The following ERG variants were observed in gnomAD, a reference collection of about 807,000 sequenced individuals.
ERG encodes the protein ETS transcription factor ERG.
A neutral mutation model predicts 55.3 loss-of-function variants in ERG; 9 were observed. That is an observed-to-expected ratio of 0.16 (90% confidence interval 0.10 to 0.28). The LOEUF (loss-of-function observed/expected upper bound fraction) is 0.28, where lower values mean the gene tolerates loss of function less well. ERG is among the 10% of genes least tolerant of loss of function. The pLI, the probability that ERG is intolerant of heterozygous loss-of-function variation, is 1.00. For missense variants in ERG, 434 were observed against 631.6 expected (o/e 0.69, Z 3.35); for synonymous variants, 223 against 237.3 (o/e 0.94, Z 0.55).
intron 1 of ERG, among the ~76,000 whole-genome samples, chr21:38,601,144 G>A (rs1205896339): frequency 6.6e-6 from 1 of 152,148 alleles, no homozygotes; most frequent in Non-Finnish European, 1.5e-5. Flanking sequence ...TGACAGGATG[G>A]AACGGTCAGT....
At chr21:38,470,222 T>C (rs549462210) in intron 1 of ERG, among the ~76,000 whole-genome samples, 3 of 151,870 alleles carry the variant, frequency 2.0e-5, no homozygotes, top group Middle Eastern at 3.4e-3. Context: ...CTTAATACAA[T>C]GTCTAGCATA....
intron 1 of ERG, among the ~76,000 whole-genome samples, chr21:38,484,261 G>A (rs1419171112): frequency 6.6e-6 from 1 of 152,082 alleles, no homozygotes; most frequent in Non-Finnish European, 1.5e-5. Context: ...CACCGCGCCC[G>A]GTCGGGGTTC....
At chr21:38,438,770 G>C (rs919993591) in intron 2 of ERG, among the ~76,000 whole-genome samples, 1 of 152,288 alleles carries the variant, frequency 6.6e-6, no homozygotes, top group African/African-American at 2.4e-5. Context: ...TCGCTGGGTG[G>C]GTCACCTTTA....
chr21:38,555,789 T>G (rs887361142), intron 2 of ERG, among the ~76,000 whole-genome samples: 1 of 152,184 alleles, frequency 6.6e-6, no homozygotes, highest in Non-Finnish European at 1.5e-5. Context: ...ACTGTCAAAT[T>G]ATAAAAATAC....
At chr21:38,569,834 G>C (rs2059946393) in intron 2 of ERG, among the ~76,000 whole-genome samples, 1 of 151,660 alleles carries the variant, frequency 6.6e-6, no homozygotes, top group Non-Finnish European at 1.5e-5. Context: ...ATCTTTATTT[G>C]TGGAATCATA....
chr21:38,598,121 C>T lies in ERG; in HGVS notation c.-149-13176G>A, dbSNP rs185663718. Among the ~76,000 whole-genome samples, 242 of 152,242 alleles carry T rather than the reference C, an allele frequency of 1.6e-3. 1 individual carries two copies. Among genetic ancestry groups the T allele is most frequent in the African/African-American group, 4.5e-3 (187 of 41,542 alleles). ...TTACACATAGCAAGGACTGTAAGCC[C>T]GACCTTGCTCTAGCACAGGAAGGAG... On this transcript the variant is annotated intron_variant, in intron 1 of 10. Transcript: ENST00000398910.
intron 1 of ERG, among the ~76,000 whole-genome samples, chr21:38,494,650 T>C (rs1421908833): frequency 2.0e-5 from 3 of 152,272 alleles, no homozygotes; most frequent in Non-Finnish European, 2.9e-5. Context: ...CTTTATGAGA[T>C]AATCACTTAT....
At chr21:38,547,293 T>C (rs547000607) in intron 2 of ERG, among the ~76,000 whole-genome samples, 6 of 152,148 alleles carry the variant, frequency 3.9e-5, no homozygotes, top group Non-Finnish European at 8.8e-5. Context: ...ATATTGGGGA[T>C]TGGGCTGGAG....
intron 2 of ERG, among the ~76,000 whole-genome samples, chr21:38,440,534 A>G (rs1171227666): frequency 1.3e-5 from 2 of 152,152 alleles, no homozygotes; most frequent in African/African-American, 4.8e-5. Flanking sequence ...AAGAGCCCAT[A>G]GTGAGGCCGG....
chr21:38,639,083 C>T (rs989928246), intron 1 of ERG, among the ~76,000 whole-genome samples: 2 of 152,168 alleles, frequency 1.3e-5, no homozygotes, highest in South Asian at 4.1e-4. Context: ...AGTATTCTCC[C>T]CCAGGAGATG....
At chr21:38,551,191 T>C (rs1601229400) in intron 2 of ERG, among the ~76,000 whole-genome samples, 1 of 151,908 alleles carries the variant, frequency 6.6e-6, no homozygotes, top group Non-Finnish European at 1.5e-5. Context: ...TCAGTGGTAA[T>C]GTCCCCTTTG....
chr21:38,587,338 T>C (rs2060072015), upstream of ERG, among the ~76,000 whole-genome samples: 1 of 150,652 alleles, frequency 6.6e-6, no homozygotes, highest in Admixed American at 6.6e-5. Flanking sequence ...CAGTAGATCA[T>C]GCTTTGCAAA....
intron 1 of ERG, among the ~76,000 whole-genome samples, chr21:38,606,942 T>G (rs539346260): frequency 2.6e-5 from 4 of 151,922 alleles, no homozygotes; most frequent in Non-Finnish European, 5.9e-5. Context: ...GATTTTTTTT[T>G]AAAAAAGGAG....
intron 2 of ERG, among the ~76,000 whole-genome samples, chr21:38,537,813 G>A (rs1863253241): frequency 6.6e-6 from 1 of 152,174 alleles, no homozygotes; most frequent in Non-Finnish European, 1.5e-5. Flanking sequence ...AATTCCGCAT[G>A]AAGATAGCAG....
chr21:38,635,134 G>A (rs1399572996), intron 1 of ERG, among the ~76,000 whole-genome samples: 2 of 152,206 alleles, frequency 1.3e-5, no homozygotes, highest in Admixed American at 1.3e-4. Flanking sequence ...ATGGGTTAGT[G>A]AGGAGGAAGA....
intron 3 of ERG, among the ~76,000 whole-genome samples, chr21:38,421,722 A>G (rs1010700422): frequency 8.5e-5 from 13 of 152,114 alleles, no homozygotes; most frequent in Non-Finnish European, 1.6e-4. Flanking sequence ...CCGTTCATCC[A>G]TTCTCCACCT....
rs545174110 is a variant in ERG at position 38,478,577 on chromosome 21, A to G, written c.18+19786T>C. ...CACACAGACATGACAAGAATCCATG[A>G]CCTAGCTCCTAATGTAAATCTTCTT... On this transcript the variant is annotated intron_variant, in intron 1 of 9. Transcript: ENST00000288319. 8.5e-5 allele frequency among the ~76,000 whole-genome samples: 13 copies of G among 152,268 alleles called. 1 individual carries two copies. The South Asian group carries it at 2.7e-3, about 32-fold the overall frequency.
chr21:38,470,553 T>A (rs907776825), intron 1 of ERG, among the ~76,000 whole-genome samples: 2 of 152,216 alleles, frequency 1.3e-5, no homozygotes, highest in African/African-American at 2.4e-5. Flanking sequence ...ATATTGACCA[T>A]CTACACAGTG....
upstream of ERG, among the ~76,000 whole-genome samples, chr21:38,499,988 C>T (rs2059409390): frequency 6.6e-6 from 1 of 152,162 alleles, no homozygotes; most frequent in Non-Finnish European, 1.5e-5. Context: ...TTGATTTCCG[C>T]TCTTTTCATC....
Sources: allele counts gnomAD v4.1 joint callset (sites outside exome capture counted in the v4.1 genomes callset), GRCh38; gene constraint gnomAD v4.1.1; transcripts MANE v1.5; gene names NCBI Gene and HGNC (gene_info 2026-07-23, HGNC 2026-07-21).